GFPT1: variants seen among roughly 807,000 people sequenced by gnomAD.
GFPT1 encodes glutamine--fructose-6-phosphate transaminase 1.
A neutral mutation model predicts 92.0 loss-of-function variants in GFPT1; 40 were observed. That is an observed-to-expected ratio of 0.43 (90% CI 0.34 to 0.57). The LOEUF is 0.57. Among genes scored for constraint, GFPT1 ranks in the 20% least tolerant of loss-of-function variants. GFPT1 has a pLI of 0.02. For synonymous variants in GFPT1, 269 were observed against 280.6 expected (o/e 0.96, Z 0.41); for missense variants, 448 against 869.1 (o/e 0.52, Z 6.09).
intron 15 of GFPT1, among the ~76,000 whole-genome samples, chr2:69,334,166 A>T (rs996998487): frequency 3.9e-5 from 6 of 152,018 alleles, no homozygotes; most frequent in African/African-American, 1.4e-4. Flanking sequence ...CAAAATAATA[A>T]TAATAATAGT....
intron 15 of GFPT1, among the ~76,000 whole-genome samples, chr2:69,336,296 G>A (rs1404410085): frequency 2.2e-5 from 3 of 134,588 alleles, no homozygotes; most frequent in African/African-American, 5.8e-5. Context: ...CTGAGATCAC[G>A]CCACTGCACT....
intron 1 of GFPT1, among the ~76,000 whole-genome samples, chr2:69,376,647 T>C (rs1310714078): frequency 3.3e-5 from 5 of 152,180 alleles, no homozygotes; most frequent in African/African-American, 4.8e-5. Context: ...CTGTCGAGGA[T>C]TGTTTGCAGA....
intron 15 of GFPT1, among the ~76,000 whole-genome samples, 192 bp from the exon 16 acceptor site, chr2:69,329,990 G>A (rs774126209): frequency 2.0e-5 from 3 of 152,206 alleles, no homozygotes; most frequent in African/African-American, 7.2e-5. Context: ...GGCCAGGGCA[G>A]GGGGATCGCT....
chr2:69,379,539 C>A (rs1039107581), intron 1 of GFPT1, among the ~76,000 whole-genome samples: 19 of 151,376 alleles, frequency 1.3e-4, no homozygotes, highest in Non-Finnish European at 2.2e-4. Context: ...ATTTGAGATA[C>A]ATTTTCTTTT....
In GFPT1 at chr2:69,323,707, T is replaced by C. The variant is rs1438825583; in HGVS notation, c.*2482A>G. 6.7e-6 allele frequency: 1 copy of C among 150,368 alleles called. No homozygotes were observed. Among genetic ancestry groups the C allele is most frequent in the Admixed American group, 6.6e-5 (1 of 15,096 alleles). 9.3% of individuals were successfully genotyped at this position (150,368 alleles called of 1,614,324 possible). A position where few individuals can be genotyped will look rare whatever the true frequency, so the allele number is the denominator to read the frequency against. On this transcript the variant is annotated 3_prime_UTR_variant, in exon 20 of 20. Transcript: ENST00000357308. Reference sequence around the variant, plus strand: ...TTTTTTTTTTTTTTTGAGAGAGTCTTGCTCTGTCGCCAGGCTGGAGTGTAG... The same window carrying C: ...TTTTTTTTTTTTTTTGAGAGAGTCTCGCTCTGTCGCCAGGCTGGAGTGTAG...
intron 4 of GFPT1, among the ~76,000 whole-genome samples, chr2:69,362,679 C>T (rs1441011273): frequency 6.6e-6 from 1 of 151,828 alleles, no homozygotes; most frequent in East Asian, 1.9e-4. Context: ...CACCTGTAGT[C>T]CCAGCTACTT....
chr2:69,335,771 AG>A (rs1332968123), intron 15 of GFPT1, among the ~76,000 whole-genome samples: 1 of 152,202 alleles, frequency 6.6e-6, no homozygotes, highest in Non-Finnish European at 1.5e-5. Flanking sequence ...CTGTAACCCC[AG>A]CACTTTGGGA....
At position 69,324,448 on chromosome 2, in the gene GFPT1, G is replaced by C. The variant is rs886056248; in HGVS notation, c.*1741C>G. The stretch of plus-strand genomic sequence containing the variant: ...CAAAATAATCTTAGAAACAATTAAA[G>C]TAGATTAATATAGCTATAATAGCCA... On this transcript the variant is annotated 3_prime_UTR_variant, in exon 20 of 20. Coordinates refer to ENST00000357308, the MANE Select transcript of GFPT1 (RefSeq NM_001244710.2). The C allele has an allele frequency of 6.6e-6, 1 of 152,090 alleles. No individual in the cohort carries two copies. The highest frequency in any genetic ancestry group is 1.5e-5 in the Non-Finnish European group (1 of 68,020). The allele number at this position is 152,090 out of a possible 1,614,324, so 9.4% of individuals were successfully genotyped here.
At chr2:69,338,589 C>A in intron 13 of GFPT1, 24 bp from the exon 14 acceptor site, 1 of 1,613,164 alleles carries the variant, frequency 6.2e-7, no homozygotes, top group South Asian at 1.1e-5. Flanking sequence ...ATGACTTGGT[C>A]ACAGAACTTT....
At chr2:69,362,170 C>A (rs1386055510) in intron 4 of GFPT1, among the ~76,000 whole-genome samples, 1 of 152,174 alleles carries the variant, frequency 6.6e-6, no homozygotes. Flanking sequence ...CACTCTGTCA[C>A]CCAGGCTGAA....
intron 13 of GFPT1, 116 bp downstream of exon 13, chr2:69,342,036 G>A (rs961379872): frequency 8.3e-5 from 51 of 612,242 alleles, no homozygotes; most frequent in Middle Eastern, 6.5e-4. Context: ...TATCACAAAA[G>A]GGAAAAGATA....
rs1237348017 is a variant in GFPT1 at position 69,323,025 on chromosome 2, T to C, written c.*3164A>G. ...AATTTTCAATGCCAACCACAGTGACTTTCCCATAATAGGTATTAATAAACA... is the reference window on the plus strand; with the variant it reads ...AATTTTCAATGCCAACCACAGTGACCTTCCCATAATAGGTATTAATAAACA... On this transcript the variant is annotated 3_prime_UTR_variant, in exon 20 of 20. Coordinates refer to ENST00000357308, the MANE Select transcript of GFPT1 (RefSeq NM_001244710.2). The C allele has an allele frequency of 6.6e-6, 1 of 152,224 alleles. No individual in the cohort carries two copies. Among genetic ancestry groups the C allele is most frequent in the Admixed American group, 6.5e-5 (1 of 15,274 alleles). The allele number at this position is 152,224 out of a possible 1,614,324, so 9.4% of individuals were successfully genotyped here.
chr2:69,373,933 G>C, intron 2 of GFPT1, 73 bp downstream of exon 2: 1 of 760,260 alleles, frequency 1.3e-6, no homozygotes, highest in Non-Finnish European at 2.4e-6. Flanking sequence ...TAATAGTCTA[G>C]TCTCCTAATA....
chr2:69,354,441 AAAT>A (rs1197352955), intron 8 of GFPT1, 45 bp downstream of exon 8: 1 of 1,338,354 alleles, frequency 7.5e-7, no homozygotes, highest in South Asian at 1.2e-5. Context: ...AACTTAAGGA[AAAT>A]AATTCTTCAT....
chr2:69,367,934 GC>G (rs1671649983), intron 3 of GFPT1, among the ~76,000 whole-genome samples: 1 of 152,154 alleles, frequency 6.6e-6, no homozygotes, highest in East Asian at 1.9e-4. Context: ...TACTTATTTT[GC>G]ATGTATTGCA....
intron 18 of GFPT1, 139 bp from the exon 19 acceptor site, chr2:69,327,214 A>G (rs1670553010): frequency 1.3e-6 from 1 of 754,516 alleles, no homozygotes; most frequent in South Asian, 1.5e-5. Flanking sequence ...TGTGTAGTAA[A>G]TCTGATTGTT....
Position 69,358,367 on chromosome 2 carries a change from T to C in GFPT1, c.505A>G (p.Ser169Gly), listed in dbSNP as rs2104655632. 1.2e-6 allele frequency: 2 copies of C among 1,612,636 alleles called. No homozygotes were observed. The highest frequency in any genetic ancestry group is 2.2e-5 in the East Asian group (1 of 44,832). ...ACTCTCTCCACCAAGGTAGTAAAGC[T>C]GGTATCTTGACTTTCCCGATTGTCA... ...MYDNRESQDT[S>G]FTTLVERVIQ... Residue 169 changes from serine to glycine, a missense_variant, in exon 6 of 20, where the codon AGC becomes GGC. Around this residue, in one of 7 missense-constraint regions of GFPT1, gnomAD observed 118 missense variants for 192.9 expected, o/e 0.61. Coordinates refer to ENST00000357308, the MANE Select transcript of GFPT1 (RefSeq NM_001244710.2).
rs1233348235 is a variant in GFPT1, at chr2:69,328,430, T to C, written c.1734A>G (p.Lys578=). 6.2e-7 allele frequency: 1 copy of C among 1,611,254 alleles called. No individual in the cohort carries two copies. The highest frequency in any genetic ancestry group is 1.1e-5 in the South Asian group (1 of 91,012). The change falls in exon 18 of 20, where the codon AAA becomes AAG. Residue 578 remains lysine, a synonymous_variant. Transcript: ENST00000357308. ...ATCLEGALKI[K]EITYMHSEGI... ...CTTCAGAGTGCATATAAGTAATTTC[T>C]TTGATTTTCTAATAGGAAAGAACCA...
chr2:69,357,506 T>C (rs947860053), intron 6 of GFPT1, among the ~76,000 whole-genome samples: 2 of 152,116 alleles, frequency 1.3e-5, no homozygotes, highest in African/African-American at 4.8e-5. Flanking sequence ...GAGAAAAGGC[T>C]GGGAAGGCAC....
Sources: allele counts gnomAD v4.1 joint callset (sites outside exome capture counted in the v4.1 genomes callset), GRCh38; gene constraint gnomAD v4.1.1; regional missense constraint gnomAD v4.1.1; transcripts MANE v1.5; gene names NCBI Gene and HGNC (gene_info 2026-07-23, HGNC 2026-07-21).